EYS: variants seen among roughly 807,000 people sequenced by gnomAD.
The protein encoded by EYS is protein eyes shut homolog.
EYS carries 250 observed loss-of-function variants against 282.1 expected under a neutral mutation model. The ratio of observed to expected loss-of-function variants is 0.89; its 90% CI spans 0.80 to 0.98. EYS has a LOEUF of 0.98. Among genes scored for constraint, EYS ranks in the 50% least tolerant of loss-of-function variants. The probability of loss-of-function intolerance (pLI) is 0.00; values close to 1 mark genes in which losing one functional copy is unlikely to be tolerated. For synonymous variants in EYS, 1,355 were observed against 1,282.9 expected, an observed-to-expected ratio of 1.06 and a Z score of -1.20; for missense variants, 4,016 against 3,709.0, an observed-to-expected ratio of 1.08 and a Z score of -2.15.
intron 29 of EYS, among the ~76,000 whole-genome samples, chr6:64,386,808 C>T (rs748750668): frequency 1.3e-5 from 2 of 152,166 alleles, no homozygotes; most frequent in Admixed American, 6.6e-5. Flanking sequence ...TGCCAAAATA[C>T]CTTTTTTGTT....
chr6:64,778,279 G>A (rs1289248955), intron 22 of EYS, among the ~76,000 whole-genome samples: 1 of 152,128 alleles, frequency 6.6e-6, no homozygotes, highest in Non-Finnish European at 1.5e-5. Context: ...AAAAGGAGAG[G>A]AGACACATTT....
rs1000894278 is a variant in EYS, at chr6:65,344,182, A to T, written c.1460-5T>A. The T allele has an allele frequency of 1.0e-5, 16 of 1,550,918 alleles. No individual in the cohort carries two copies. Among genetic ancestry groups the T allele is most frequent in the Admixed American group, 8.5e-5 (5 of 58,854 alleles). ...GGCACTTTTCGCCTTCAGATCCTTT[A>T]AAAAAAAAGAGATAAAAAATTAAAT... On this transcript the variant is annotated splice_region_variant and splice_polypyrimidine_tract_variant and intron_variant, in intron 9 of 42. Transcript: ENST00000503581.
chr6:64,987,194 TAGC>T (rs1400836666), intron 14 of EYS, among the ~76,000 whole-genome samples: 1 of 151,548 alleles, frequency 6.6e-6, no homozygotes, highest in Non-Finnish European at 1.5e-5. Flanking sequence ...TATCACCTGT[TAGC>T]AGATGATTTC....
chr6:63,874,278 C>T (rs982740170), intron 35 of EYS, among the ~76,000 whole-genome samples: 2 of 152,098 alleles, frequency 1.3e-5, no homozygotes, highest in Non-Finnish European at 2.9e-5. Flanking sequence ...TTGTTTTTGC[C>T]AGATTTGTCA....
chr6:65,109,813 C>T (rs1458941846), intron 12 of EYS, among the ~76,000 whole-genome samples: 1 of 152,120 alleles, frequency 6.6e-6, no homozygotes, highest in Non-Finnish European at 1.5e-5. Context: ...GCTATAGAAC[C>T]TGCCTACTTC....
intron 12 of EYS, among the ~76,000 whole-genome samples, chr6:65,159,835 T>C (rs1188386020): frequency 6.6e-6 from 1 of 150,880 alleles, no homozygotes; most frequent in African/African-American, 2.4e-5. Context: ...TCCACTATCA[T>C]GAAATTTGAA....
intron 22 of EYS, among the ~76,000 whole-genome samples, chr6:64,722,932 C>G (rs73442656): frequency 0.011 from 1,728 of 152,218 alleles, 34 homozygotes; most frequent in African/African-American, 0.04. Context: ...CAGGGACACT[C>G]TCAAGTATAG....
chr6:65,232,076 G>A (rs1430313606), intron 12 of EYS, among the ~76,000 whole-genome samples: 4 of 151,924 alleles, frequency 2.6e-5, no homozygotes, highest in Non-Finnish European at 5.9e-5. Context: ...AAGCAGGTCT[G>A]TAGAAGATAT....
intron 12 of EYS, among the ~76,000 whole-genome samples, chr6:65,289,489 G>T (rs1210859960): frequency 6.6e-6 from 1 of 151,040 alleles, no homozygotes; most frequent in Non-Finnish European, 1.5e-5. Context: ...TGTTATATTT[G>T]AGGTGGCATC....
chr6:63,748,972 T>A (rs746366345), intron 41 of EYS, among the ~76,000 whole-genome samples: 10 of 152,182 alleles, frequency 6.6e-5, no homozygotes, highest in Non-Finnish European at 1.5e-4. Flanking sequence ...ATTTTTTGTG[T>A]CTCAATCTCC....
At chr6:64,312,123 C>A (rs1476733527) in intron 29 of EYS, among the ~76,000 whole-genome samples, 8 of 152,086 alleles carry the variant, frequency 5.3e-5, no homozygotes, top group Non-Finnish European at 1.2e-4. Context: ...AAGCTAAGAT[C>A]CAGTGGCCTG....
intron 5 of EYS, among the ~76,000 whole-genome samples, chr6:65,457,712 C>T (rs535882616): frequency 5.3e-5 from 8 of 152,190 alleles, no homozygotes; most frequent in African/African-American, 1.2e-4. Flanking sequence ...TACATTGTCA[C>T]GGAATCAAGC....
chr6:63,814,345 C>T (rs191530140), intron 36 of EYS, among the ~76,000 whole-genome samples: 8 of 152,228 alleles, frequency 5.3e-5, no homozygotes, highest in East Asian at 3.9e-4. Flanking sequence ...CAGAGATACC[C>T]GGTACATGAA....
chr6:65,332,070 C>T (rs1381957131), intron 11 of EYS: 2 of 281,808 alleles, frequency 7.1e-6, no homozygotes, highest in Non-Finnish European at 1.3e-5. Context: ...TTTAAAATTC[C>T]AGTCTTTCAG....
At chr6:65,316,805 G>A (rs901100647) in intron 11 of EYS, among the ~76,000 whole-genome samples, 10 of 152,266 alleles carry the variant, frequency 6.6e-5, no homozygotes, top group Admixed American at 3.3e-4. Context: ...CAAAGGACAC[G>A]AACTCATCCT....
intron 22 of EYS, among the ~76,000 whole-genome samples, chr6:64,738,135 G>C (rs1344452440): frequency 2.0e-5 from 3 of 152,060 alleles, no homozygotes; most frequent in Admixed American, 1.3e-4. Context: ...TTAGATATTT[G>C]TCCCCTCAAA....
In EYS at chr6:65,494,829, C is replaced by G. The variant is rs923398089; in HGVS notation, c.582G>C (p.Trp194Cys). The change falls in exon 4 of 43, where the codon TGG becomes TGC. Residue 194 changes from tryptophan (W) to cysteine (C), a missense_variant. Coordinates refer to ENST00000503581, the MANE Select transcript of EYS (RefSeq NM_001142800.2). ...SGHGKCLSEAWSKTYSCHCQP... is the reference protein window; with the variant it reads ...SGHGKCLSEACSKTYSCHCQP... ...GGCAATGGCAGCTATATGTCTTGCT[C>G]CAAGCTTCACTAAGACATTTACCAT... 7 of 1,613,998 alleles carry G rather than the reference C, an allele frequency of 4.3e-6. No individual in the cohort carries two copies. The South Asian group carries it at 7.7e-5, about 18-fold the overall frequency.
chr6:63,951,674 C>T (rs932040889), intron 35 of EYS, among the ~76,000 whole-genome samples: 1 of 152,180 alleles, frequency 6.6e-6, no homozygotes, highest in Non-Finnish European at 1.5e-5. Flanking sequence ...CCTGGTCTGG[C>T]TTACAGTTTT....
At chr6:64,823,623 G>A (rs911736137) in intron 19 of EYS, among the ~76,000 whole-genome samples, 1 of 151,888 alleles carries the variant, frequency 6.6e-6, no homozygotes, top group African/African-American at 2.4e-5. Context: ...GGTGTGCCCT[G>A]CCCTTAAGGC....
Sources: gnomAD v4.1 joint callset for allele counts (sites outside exome capture counted in the v4.1 genomes callset) on GRCh38, gnomAD v4.1.1 for gene constraint, MANE v1.5 for transcripts, NCBI Gene and HGNC (gene_info 2026-07-23, HGNC 2026-07-21) for gene names.